ATE1: variants seen among roughly 807,000 people sequenced by gnomAD.
ATE1 encodes arginyl-tRNA--protein transferase 1.
Under a neutral mutation model 70.5 loss-of-function variants are expected in ATE1, and 36 were observed. That is an observed-to-expected ratio of 0.51 (90% confidence interval 0.39 to 0.67). The LOEUF is 0.67. Ranked by LOEUF, ATE1 falls within the 30% of genes least tolerant of loss-of-function variation. The pLI, the probability that ATE1 is intolerant of heterozygous loss-of-function variation, is 0.00. For synonymous variants in ATE1, 232 were observed against 219.3 expected (o/e 1.06, Z -0.51); for missense variants, 593 against 629.5 (o/e 0.94, Z 0.62).
Position 121,836,764 on chromosome 10 carries a change from T to C in ATE1, c.1211A>G (p.Tyr404Cys). The change falls in exon 10 of 12, where the codon TAT becomes TGT. Residue 404 changes from tyrosine (Y) to cysteine (C), a missense_variant. Physicochemically the swap from Tyr to Cys is radical, Grantham distance 194. Transcript: ENST00000224652. ...LHEKTSQLSY[Y>C]YMGFYIHSCP... ...TGAATGAATGTAGAAACCCATATAA[T>C]AATAGCTGAGTTGAGAAGTTTTCTC... 2.5e-6 allele frequency: 4 copies of C among 1,602,296 alleles called. No homozygotes were observed. The highest frequency in any genetic ancestry group is 3.4e-6 in the Non-Finnish European group (4 of 1,175,482).
chr10:121,783,326 T>C (rs1378517994), intron 11 of ATE1, among the ~76,000 whole-genome samples: 1 of 152,230 alleles, frequency 6.6e-6, no homozygotes, highest in East Asian at 1.9e-4. Context: ...ATCTATATTA[T>C]GTTTAATGCT....
At chr10:121,764,762 C>G (rs1340759645) in intron 11 of ATE1, among the ~76,000 whole-genome samples, 2 of 152,138 alleles carry the variant, frequency 1.3e-5, no homozygotes, top group Non-Finnish European at 2.9e-5. Flanking sequence ...GAGTGAGGAG[C>G]AGAGATGTGT....
chr10:121,753,348 G>GA (rs1188701868), intron 11 of ATE1, among the ~76,000 whole-genome samples: 1 of 151,772 alleles, frequency 6.6e-6, no homozygotes, highest in Non-Finnish European at 1.5e-5. Flanking sequence ...TATTTCAAAG[G>GA]AAAAAAATCT....
intron 7 of ATE1, among the ~76,000 whole-genome samples, chr10:121,875,300 TTTTTTTTG>T: frequency 7.2e-5 from 2 of 27,590 alleles, no homozygotes; most frequent in Non-Finnish European, 1.0e-4. Flanking sequence ...TTTTTTTGGT[TTTTTTTTG>T]TTTTTTTTTT....
intron 8 of ATE1, among the ~76,000 whole-genome samples, chr10:121,863,357 G>A (rs1015098635): frequency 7.3e-5 from 11 of 150,278 alleles, no homozygotes; most frequent in Admixed American, 6.7e-5. Flanking sequence ...GGGTTCAAGC[G>A]ATTCTCCTGC....
intron 7 of ATE1, among the ~76,000 whole-genome samples, chr10:121,895,884 T>G (rs1426544089): frequency 6.6e-6 from 1 of 150,996 alleles, no homozygotes; most frequent in Non-Finnish European, 1.5e-5. Context: ...CACCATGCAC[T>G]CCTGCCTGGG....
At chr10:121,817,355 CGTCT>C (rs1297096419) in intron 10 of ATE1, among the ~76,000 whole-genome samples, 1 of 152,106 alleles carries the variant, frequency 6.6e-6, no homozygotes, top group Non-Finnish European at 1.5e-5. Context: ...GGTGAAACCC[CGTCT>C]CTACTAAAAA....
intron 8 of ATE1, among the ~76,000 whole-genome samples, chr10:121,858,970 C>A (rs1252287708): frequency 2.0e-5 from 3 of 151,680 alleles, no homozygotes; most frequent in Non-Finnish European, 4.4e-5. Context: ...TGGCACATGC[C>A]TGTAATCCCA....
intron 7 of ATE1, among the ~76,000 whole-genome samples, chr10:121,896,823 CAAAAAAAAAA>C (rs869156572): frequency 7.1e-5 from 2 of 28,354 alleles, no homozygotes; most frequent in South Asian, 2.2e-3. Flanking sequence ...GACTTTGTCT[CAAAAAAAAAA>C]AAAAAAAAAA....
Position 121,911,064 on chromosome 10 carries a change from G to A in ATE1, c.425C>T (p.Thr142Ile). 6.2e-7 allele frequency: 1 copy of A among 1,613,360 alleles called. No individual in the cohort carries two copies. Among genetic ancestry groups the A allele is most frequent in the Non-Finnish European group, 8.5e-7 (1 of 1,179,928 alleles). ...ACTCTCTTTGATGTCATCACTGAGT[G>A]TTTTAAGATCACACTGTATATCCAG... ...NKLDIQCDLK[T>I]LSDDIKESLE... The change falls in exon 5 of 12, where the codon ACA (threonine) becomes ATA (isoleucine). Residue 142 changes from threonine (T) to isoleucine (I), a missense_variant. Physicochemically the swap from Thr to Ile is moderately conservative, Grantham distance 89 (BLOSUM62 -1). This residue lies in a region of ATE1 where 467 missense variants were observed against 469.6 expected (regional missense o/e 0.99). Transcript: ENST00000224652.
Position 121,913,815 on chromosome 10 carries a change from C to T in ATE1, c.312G>A (p.Gly104=). 4 of 1,613,082 alleles carry T rather than the reference C, an allele frequency of 2.5e-6. No individual in the cohort carries two copies. Among genetic ancestry groups the T allele is most frequent in the Non-Finnish European group, 3.4e-6 (4 of 1,179,282 alleles). The change falls in exon 4 of 12, where the codon GGG becomes GGA. Residue 104 remains glycine, a synonymous_variant. Coordinates refer to ENST00000224652, the MANE Select transcript of ATE1 (RefSeq NM_001001976.3). ...CCTCACAACTTCCTTTGGGAACCTC[C>T]CCTTTAGCTAGAAATTTCAACATTT... ...LKKMLKFLAK[G]EVPKGSCEDE...
At chr10:121,864,817 A>C (rs1448741170) in intron 8 of ATE1, among the ~76,000 whole-genome samples, 1 of 152,052 alleles carries the variant, frequency 6.6e-6, no homozygotes, top group East Asian at 1.9e-4. Context: ...CATTTGGCAA[A>C]GTCTGGAGAC....
chr10:121,817,668 G>T (rs928845898), intron 10 of ATE1, among the ~76,000 whole-genome samples: 1 of 152,248 alleles, frequency 6.6e-6, no homozygotes, highest in East Asian at 1.9e-4. Flanking sequence ...AGCTGCAATG[G>T]AAACAGTATC....
In ATE1 at chr10:121,743,639, C is replaced by A. The variant is rs1232816426; in HGVS notation, c.*41G>T. ...ACTGAATATGTATCCTGGCACAAAT[C>A]ATCAGCACAACACAGGAACTTCCCG... On this transcript the variant is annotated 3_prime_UTR_variant, in exon 12 of 12. Transcript: ENST00000224652. 5.8e-5 allele frequency: 89 copies of A among 1,535,906 alleles called. 1 individual carries two copies. The highest frequency in any genetic ancestry group is 7.6e-5 in the Non-Finnish European group (87 of 1,144,520).
At chr10:121,906,287 G>A (rs1241539513) in intron 5 of ATE1, among the ~76,000 whole-genome samples, 1 of 152,058 alleles carries the variant, frequency 6.6e-6, no homozygotes, top group East Asian at 1.9e-4. Context: ...CAACACTTTG[G>A]GAGGCTGAGG....
At chr10:121,911,442 T>TA (rs371014661) in intron 4 of ATE1, among the ~76,000 whole-genome samples, 31,107 of 128,108 alleles carry the variant, frequency 0.24, 3,500 homozygotes, top group South Asian at 0.28. Flanking sequence ...TACAGTAAAT[T>TA]AAAAAAAAAA....
intron 10 of ATE1, among the ~76,000 whole-genome samples, chr10:121,818,084 T>C (rs1006434671): frequency 7.3e-5 from 11 of 151,624 alleles, no homozygotes; most frequent in African/African-American, 2.7e-4. Context: ...GGCAACAAAG[T>C]GAGACCCCGT....
At chr10:121,897,815 A>C (rs1173698528) in intron 7 of ATE1, among the ~76,000 whole-genome samples, 1 of 135,730 alleles carries the variant, frequency 7.4e-6, no homozygotes, top group Non-Finnish European at 1.6e-5. Context: ...ACAGAGCAAG[A>C]CTCCGTCTCA....
rs1291899749 is a variant in ATE1 at position 121,913,769 on chromosome 10, TTTAGACCCAGCCCATC to T, written c.337+5_337+20del. The T allele has an allele frequency of 6.4e-7, 1 of 1,557,770 alleles. No homozygotes were observed. On this transcript the variant is annotated splice_donor_5th_base_variant and intron_variant, in intron 4 of 11. Coordinates refer to ENST00000224652, the MANE Select transcript of ATE1 (RefSeq NM_001001976.3). ...TTGCAAAGACAGATAGTAAATCGTT[TTTAGACCCAGCCCATC>T]TTACCCTCACAACTTCCTTTGGGAA...
Sources: gnomAD v4.1 joint callset for allele counts (sites outside exome capture counted in the v4.1 genomes callset) on GRCh38, gnomAD v4.1.1 for gene constraint, gnomAD v4.1.1 regional missense constraint, MANE v1.5 for transcripts, NCBI Gene and HGNC (gene_info 2026-07-23, HGNC 2026-07-21) for gene names.